Variants in STXBP6 observed in about 807,000 individuals in gnomAD.
STXBP6 encodes the protein syntaxin-binding protein 6.
In STXBP6, 21 loss-of-function variants were observed where a neutral mutation model predicts 26.9. That is an observed-to-expected ratio of 0.78 (90% CI 0.55 to 1.12). The LOEUF is 1.12. Among genes scored for constraint, STXBP6 ranks in the 50% most tolerant of loss-of-function variants. The pLI is 0.00. For missense variants in STXBP6, 232 were observed against 257.9 expected, an observed-to-expected ratio of 0.90 and a Z score of 0.69; for synonymous variants, 97 against 92.6, an observed-to-expected ratio of 1.05 and a Z score of -0.27.
chr14:24,937,687 A>G (rs2139960900), intron 2 of STXBP6, among the ~76,000 whole-genome samples: 1 of 152,376 alleles, frequency 6.6e-6, no homozygotes, highest in East Asian at 1.9e-4. Flanking sequence ...TAGCTGATAT[A>G]TGTTTTAAAC....
chr14:24,925,940 T>C (rs2072147850), intron 2 of STXBP6, among the ~76,000 whole-genome samples: 1 of 152,150 alleles, frequency 6.6e-6, no homozygotes, highest in Non-Finnish European at 1.5e-5. Flanking sequence ...GAATGTATTA[T>C]AGAAAATACA....
chr14:24,949,072 G>A (rs2073082778), intron 2 of STXBP6, among the ~76,000 whole-genome samples: 1 of 152,026 alleles, frequency 6.6e-6, no homozygotes, highest in Non-Finnish European at 1.5e-5. Context: ...AAAGGAAAAA[G>A]GCATGAAATC....
chr14:24,990,880 A>C (rs2074453510), intron 1 of STXBP6, among the ~76,000 whole-genome samples: 1 of 150,856 alleles, frequency 6.6e-6, no homozygotes. Context: ...AGAGAGGAAG[A>C]GGCAGAGAGG....
Position 24,842,977 on chromosome 14 carries a change from T to C in STXBP6, c.451+12959A>G, listed in dbSNP as rs999130389. 5.3e-5 allele frequency among the ~76,000 whole-genome samples: 8 copies of C among 152,248 alleles called. 2 individuals are homozygous for C. The highest frequency in any genetic ancestry group is 3.9e-4 in the Admixed American group (6 of 15,300). ...GGCCCAAAAGAGGGGAGTCACAATTTTGGAATTATTTTGTTAATGACCACT... is the reference window on the plus strand; with the variant it reads ...GGCCCAAAAGAGGGGAGTCACAATTCTGGAATTATTTTGTTAATGACCACT... On this transcript the variant is annotated intron_variant, in intron 4 of 5. Coordinates refer to ENST00000323944, the MANE Select transcript of STXBP6 (RefSeq NM_001394410.1).
At chr14:24,829,891 T>TA (rs983615768) in intron 4 of STXBP6, among the ~76,000 whole-genome samples, 1 of 151,992 alleles carries the variant, frequency 6.6e-6, no homozygotes, top group East Asian at 1.9e-4. Flanking sequence ...TACGTTATAA[T>TA]AAAAAAACTG....
chr14:24,893,289 T>C (rs2070859315), intron 2 of STXBP6, among the ~76,000 whole-genome samples: 2 of 152,244 alleles, frequency 1.3e-5, no homozygotes, highest in Admixed American at 6.5e-5. Flanking sequence ...ATTCAAAGTA[T>C]TCTGCATATA....
At chr14:24,923,421 A>G (rs1481884634) in intron 2 of STXBP6, among the ~76,000 whole-genome samples, 2 of 152,192 alleles carry the variant, frequency 1.3e-5, no homozygotes, top group Admixed American at 6.5e-5. Context: ...TTTCAATATT[A>G]CAAACAACAT....
At chr14:24,941,242 C>T (rs1419773956) in intron 2 of STXBP6, among the ~76,000 whole-genome samples, 2 of 152,140 alleles carry the variant, frequency 1.3e-5, no homozygotes, top group East Asian at 1.9e-4. Flanking sequence ...TGGTCACTAA[C>T]CTCAAAGTCC....
intron 4 of STXBP6, among the ~76,000 whole-genome samples, chr14:24,845,909 C>A (rs539901788): frequency 6.6e-6 from 1 of 152,298 alleles, no homozygotes; most frequent in East Asian, 1.9e-4. Context: ...GGAACATAAT[C>A]AGCTTCTAGA....
chr14:24,963,188 A>G (rs1357009599), intron 2 of STXBP6, among the ~76,000 whole-genome samples: 1 of 152,192 alleles, frequency 6.6e-6, no homozygotes, highest in Non-Finnish European at 1.5e-5. Context: ...ATCCAAGAAC[A>G]CAGTTGACTC....
intron 5 of STXBP6, among the ~76,000 whole-genome samples, chr14:24,815,372 A>C (rs2138684161): frequency 6.6e-6 from 1 of 152,134 alleles, no homozygotes; most frequent in South Asian, 2.1e-4. Context: ...AAATGATTAT[A>C]ATAAAATCAT....
intron 1 of STXBP6, among the ~76,000 whole-genome samples, chr14:25,011,416 C>T (rs1225754801): frequency 6.6e-6 from 1 of 152,154 alleles, no homozygotes; most frequent in African/African-American, 2.4e-5. Flanking sequence ...TTCAGAAAGC[C>T]ACTGCTAACT....
chr14:24,903,359 T>C (rs2139654610), intron 2 of STXBP6, among the ~76,000 whole-genome samples: 1 of 152,318 alleles, frequency 6.6e-6, no homozygotes, highest in Non-Finnish European at 1.5e-5. Context: ...CTTCTCTTCT[T>C]TAACTGCCCA....
intron 2 of STXBP6, among the ~76,000 whole-genome samples, chr14:24,914,182 A>T (rs1468818085): frequency 6.6e-6 from 1 of 152,166 alleles, no homozygotes; most frequent in Non-Finnish European, 1.5e-5. Flanking sequence ...ATTTCTAATT[A>T]ATCATCTGTC....
intron 4 of STXBP6, among the ~76,000 whole-genome samples, chr14:24,834,559 C>T (rs2068554273): frequency 6.6e-6 from 1 of 152,116 alleles, no homozygotes; most frequent in Non-Finnish European, 1.5e-5. Flanking sequence ...AAACACCATA[C>T]AATTCAGAAG....
chr14:24,900,131 T>C (rs978979531), intron 2 of STXBP6, among the ~76,000 whole-genome samples: 7 of 152,228 alleles, frequency 4.6e-5, no homozygotes, highest in Non-Finnish European at 1.0e-4. Flanking sequence ...TTGTTCCTAA[T>C]ATTAGATTTT....
Position 25,030,122 on chromosome 14 carries a change from G to T in STXBP6, c.-33+19756C>A, listed in dbSNP as rs373237090. Among the ~76,000 whole-genome samples, 6 of 152,180 alleles carry T rather than the reference G, an allele frequency of 3.9e-5. No individual in the cohort carries two copies. The East Asian group carries it at 5.8e-4, about 15-fold the overall frequency. On this transcript the variant is annotated intron_variant, in intron 1 of 5. Coordinates refer to ENST00000323944, the MANE Select transcript of STXBP6 (RefSeq NM_001394410.1). ...GAGCTTTCAAGAAGGAAAATCAAAT[G>T]ACTACAATGGCATCCCTTGCCAATT...
chr14:24,946,534 G>C (rs1239396662), intron 2 of STXBP6, among the ~76,000 whole-genome samples: 1 of 152,204 alleles, frequency 6.6e-6, no homozygotes, highest in African/African-American at 2.4e-5. Flanking sequence ...TGAGAGATTG[G>C]TGAAAGAGGA....
intron 1 of STXBP6, among the ~76,000 whole-genome samples, chr14:24,984,648 C>T (rs563177493): frequency 2.6e-5 from 4 of 152,282 alleles, no homozygotes; most frequent in Non-Finnish European, 4.4e-5. Flanking sequence ...GAATGGTGAT[C>T]GAAAGGCTTC....
Sources: gnomAD v4.1 joint callset for allele counts (sites outside exome capture counted in the v4.1 genomes callset) on GRCh38, gnomAD v4.1.1 for gene constraint, MANE v1.5 for transcripts, NCBI Gene and HGNC (gene_info 2026-07-23, HGNC 2026-07-21) for gene names.